The following CNIH3 variants were observed in gnomAD, a reference collection of about 807,000 sequenced individuals.
CNIH3 encodes the protein protein cornichon homolog 3.
Under a neutral mutation model 24.1 loss-of-function variants are expected in CNIH3, and 14 were observed. That is an observed-to-expected ratio of 0.58 (90% CI 0.38 to 0.91). CNIH3 has a LOEUF of 0.91. Among genes scored for constraint, CNIH3 ranks in the 40% least tolerant of loss-of-function variants. CNIH3 has a pLI of 0.00. For synonymous variants in CNIH3, 68 were observed against 73.8 expected, an observed-to-expected ratio of 0.92 and a Z score of 0.40; for missense variants, 178 against 196.8, an observed-to-expected ratio of 0.90 and a Z score of 0.57.
chr1:224,577,017 A>G (rs1043252943), intron 4 of CNIH3, among the ~76,000 whole-genome samples: 1 of 152,214 alleles, frequency 6.6e-6, no homozygotes, highest in Non-Finnish European at 1.5e-5. Flanking sequence ...CCACATGTAG[A>G]AGAATGAAGC....
chr1:224,628,938 C>T (rs2125075395), intron 1 of CNIH3, among the ~76,000 whole-genome samples: 1 of 151,758 alleles, frequency 6.6e-6, no homozygotes, highest in East Asian at 2.0e-4. Flanking sequence ...TGGAACTCCC[C>T]CCCAACCACC....
At chr1:224,504,994 TTCCCTCCCTCCCTCCCTCCC>T (rs1160657017) in intron 1 of CNIH3, among the ~76,000 whole-genome samples, 1 of 67,902 alleles carries the variant, frequency 1.5e-5, no homozygotes, top group East Asian at 4.4e-4. Context: ...TATTTTCCCT[TTCCCTCCCTCCCTCCCTCCC>T]TCCCTCCCTC....
rs142923076 is a variant in CNIH3, at chr1:224,534,896, G to A, written n.344-2040G>A. Among the ~76,000 whole-genome samples, 756 of 152,286 alleles carry A rather than the reference G, an allele frequency of 5.0e-3. 10 individuals are homozygous for A. Among genetic ancestry groups the A allele is most frequent in the African/African-American group, 0.016 (671 of 41,552 alleles). ...AGTACCTCTTGCCAATCCCCCAGTG[G>A]CAGGTGCAGGTGCCACCCTGGCAGG... On this transcript the variant is annotated intron_variant and non_coding_transcript_variant, in intron 2 of 2. Coordinates refer to the CNIH3 transcript ENST00000470602.
intron 1 of CNIH3, among the ~76,000 whole-genome samples, chr1:224,488,481 A>AG (rs1292814078): frequency 7.2e-6 from 1 of 138,550 alleles, no homozygotes; most frequent in East Asian, 2.1e-4. Flanking sequence ...GGTGGGGGGG[A>AG]ACAGAGTCTT....
chr1:224,635,715 C>T (rs908858007), intron 1 of CNIH3, among the ~76,000 whole-genome samples: 11 of 152,172 alleles, frequency 7.2e-5, no homozygotes, highest in East Asian at 3.9e-4. Context: ...TCCCTTCCTT[C>T]GTTAGAGACA....
At chr1:224,457,395 A>AG (rs1448004735) in intron 1 of CNIH3, among the ~76,000 whole-genome samples, 5 of 151,416 alleles carry the variant, frequency 3.3e-5, no homozygotes, top group Non-Finnish European at 5.9e-5. Context: ...TTGCAGCTGT[A>AG]GGAGGACTGA....
At chr1:224,508,024 GC>G (rs985229644) in intron 1 of CNIH3, among the ~76,000 whole-genome samples, 2 of 152,198 alleles carry the variant, frequency 1.3e-5, no homozygotes, top group African/African-American at 4.8e-5. Flanking sequence ...TCAGGAGAGG[GC>G]CATCTGCCAT....
chr1:224,524,965 A>G (rs922937635), intron 2 of CNIH3, among the ~76,000 whole-genome samples: 1 of 152,232 alleles, frequency 6.6e-6, no homozygotes, highest in Non-Finnish European at 1.5e-5. Context: ...GTTAGACTAT[A>G]GGATATAAAT....
intron 1 of CNIH3, among the ~76,000 whole-genome samples, chr1:224,676,162 G>A (rs4363402): frequency 0.68 from 103,494 of 152,150 alleles, 35,873 homozygotes; most frequent in Middle Eastern, 0.82. Context: ...GGCAGTAAAA[G>A]GGAACAAACC....
At position 224,616,503 on chromosome 1, in the gene CNIH3, G is replaced by A; in HGVS notation, c.-672G>A. The A allele has an allele frequency of 5.1e-6, 5 of 987,994 alleles. No homozygotes were observed. Among genetic ancestry groups the A allele is most frequent in the Non-Finnish European group, 6.0e-6 (5 of 831,210 alleles). 61.2% of individuals were successfully genotyped at this position (987,994 alleles called of 1,614,324 possible). A position where few individuals can be genotyped will look rare whatever the true frequency, so the allele number is the denominator to read the frequency against. On this transcript the variant is annotated 5_prime_UTR_variant, in exon 1 of 6. Coordinates refer to ENST00000272133, the MANE Select transcript of CNIH3 (RefSeq NM_152495.2). ...CTTGGGTTGCGGAGGCCGGCTGGCC[G>A]GAGTCACGGTTGGGGACGGGCGCGC...
At chr1:224,550,828 A>G (rs1453734881) in intron 3 of CNIH3, among the ~76,000 whole-genome samples, 2 of 151,640 alleles carry the variant, frequency 1.3e-5, no homozygotes, top group South Asian at 4.2e-4. Context: ...ACATTAGGTT[A>G]TATCTCCTAA....
intron 1 of CNIH3, chr1:224,435,328 TC>T: frequency 1.6e-6 from 1 of 606,710 alleles, no homozygotes; most frequent in Non-Finnish European, 2.1e-6. Flanking sequence ...AACTTGAATT[TC>T]CACAGCCAAG....
chr1:224,622,970 C>A (rs190856463), intron 1 of CNIH3, among the ~76,000 whole-genome samples: 2,451 of 152,332 alleles, frequency 0.016, 29 homozygotes, highest in Middle Eastern at 0.034. Flanking sequence ...TTGCCACCAT[C>A]ATCTGACTCA....
intron 1 of CNIH3, among the ~76,000 whole-genome samples, chr1:224,641,050 A>G (rs1393818193): frequency 6.6e-6 from 1 of 152,204 alleles, no homozygotes; most frequent in South Asian, 2.1e-4. Context: ...GGCAAGTGCA[A>G]TTCCTCAGGG....
intron 1 of CNIH3, among the ~76,000 whole-genome samples, chr1:224,630,632 T>C (rs1230453613): frequency 6.6e-6 from 1 of 152,174 alleles, no homozygotes; most frequent in African/African-American, 2.4e-5. Context: ...AGGTGGAGAA[T>C]GCTTATGGGC....
At chr1:224,584,054 A>G (rs1331827288) in intron 5 of CNIH3, among the ~76,000 whole-genome samples, 3 of 152,216 alleles carry the variant, frequency 2.0e-5, no homozygotes, top group African/African-American at 7.2e-5. Flanking sequence ...TTCTTTGGAA[A>G]TAATTTCACT....
chr1:224,569,103 G>A (rs532406812), intron 4 of CNIH3, among the ~76,000 whole-genome samples: 22 of 152,292 alleles, frequency 1.4e-4, no homozygotes, highest in Admixed American at 7.2e-4. Flanking sequence ...CCCAACCTCA[G>A]GTGATCTGCC....
At chr1:224,555,838 G>A (rs985011606) in intron 3 of CNIH3, among the ~76,000 whole-genome samples, 9 of 152,036 alleles carry the variant, frequency 5.9e-5, no homozygotes, top group Non-Finnish European at 1.0e-4. Context: ...TCCGCACTGC[G>A]GCTGTGGGAC....
chr1:224,563,998 T>C (rs1431874752), intron 3 of CNIH3, among the ~76,000 whole-genome samples: 2 of 152,184 alleles, frequency 1.3e-5, no homozygotes, highest in Non-Finnish European at 2.9e-5. Flanking sequence ...TACATTTTTC[T>C]AATAGGTGAG....
Sources: gnomAD v4.1 joint callset for allele counts (sites outside exome capture counted in the v4.1 genomes callset) on GRCh38, gnomAD v4.1.1 for gene constraint, MANE v1.5 for transcripts, NCBI Gene and HGNC (gene_info 2026-07-23, HGNC 2026-07-21) for gene names.